NT5C3A: variants seen among roughly 807,000 people sequenced by gnomAD.
The protein encoded by NT5C3A is 5'-nucleotidase, cytosolic IIIA, also known as cytosolic 5'-nucleotidase 3A.
A neutral mutation model predicts 40.0 loss-of-function variants in NT5C3A; 23 were observed. The ratio of observed to expected loss-of-function variants is 0.58; its 90% CI spans 0.41 to 0.81. The LOEUF is 0.81. NT5C3A is among the 40% of genes least tolerant of loss of function. NT5C3A has a pLI of 0.00. For synonymous variants in NT5C3A, 130 were observed against 141.4 expected (o/e 0.92, Z 0.57); for missense variants, 328 against 403.0 (o/e 0.81, Z 1.59).
chr7:33,058,721 C>A (rs1787665155), intron 1 of NT5C3A, among the ~76,000 whole-genome samples: 1 of 152,218 alleles, frequency 6.6e-6, no homozygotes, highest in Non-Finnish European at 1.5e-5. Flanking sequence ...GTCCACATCT[C>A]CCCTAGAACT....
chr7:33,040,949 C>G lies in NT5C3A; in HGVS notation c.139-14034G>C, dbSNP rs1562599237. 5 of 985,266 alleles carry G rather than the reference C, an allele frequency of 5.1e-6. No individual in the cohort carries two copies. The East Asian group carries it at 5.7e-4, about 112-fold the overall frequency. The allele number at this position is 985,266 out of a possible 1,614,324, so 61.0% of individuals were successfully genotyped here. A position where few individuals can be genotyped will look rare whatever the true frequency, so the allele number is the denominator to read the frequency against. On this transcript the variant is annotated intron_variant, in intron 1 of 8. Coordinates refer to ENST00000610140, the MANE Select transcript of NT5C3A (RefSeq NM_001002010.5). Reference sequence around the variant, plus strand: ...AGAAGTACTAATATAGCACAAGGTGCAACTGAGGGCGGTTCCAAAAGCCTT... The same window carrying G: ...AGAAGTACTAATATAGCACAAGGTGGAACTGAGGGCGGTTCCAAAAGCCTT...
At chr7:33,059,443 T>C (rs1487305937) in intron 1 of NT5C3A, among the ~76,000 whole-genome samples, 1 of 152,210 alleles carries the variant, frequency 6.6e-6, no homozygotes, top group Non-Finnish European at 1.5e-5. Flanking sequence ...ATTTTTTCCT[T>C]CTCTTCATCT....
chr7:33,039,644 C>T (rs574121853), intron 1 of NT5C3A, among the ~76,000 whole-genome samples: 1 of 132,500 alleles, frequency 7.5e-6, no homozygotes, highest in Non-Finnish European at 1.5e-5. Flanking sequence ...TTCTGTATGG[C>T]TGTAATAATT....
At chr7:33,050,363 C>T (rs1787318939) in intron 1 of NT5C3A, among the ~76,000 whole-genome samples, 1 of 152,192 alleles carries the variant, frequency 6.6e-6, no homozygotes, top group Admixed American at 6.6e-5. Context: ...TATTTTGCAA[C>T]ATTTTGCTAT....
At chr7:33,047,983 CTTT>C (rs1176807703) in intron 1 of NT5C3A, among the ~76,000 whole-genome samples, 1 of 126,218 alleles carries the variant, frequency 7.9e-6, no homozygotes, top group Non-Finnish European at 1.6e-5. Context: ...CCACACCTGG[CTTT>C]TATATGTGTA....
chr7:33,046,916 G>A (rs1787180395), intron 1 of NT5C3A, among the ~76,000 whole-genome samples: 1 of 149,696 alleles, frequency 6.7e-6, no homozygotes, highest in Non-Finnish European at 1.5e-5. Context: ...CAATTCTACT[G>A]CCTTAGCCTC....
chr7:33,037,434 A>T (rs541899907), intron 1 of NT5C3A, among the ~76,000 whole-genome samples: 2 of 152,322 alleles, frequency 1.3e-5, no homozygotes, highest in East Asian at 1.9e-4. Flanking sequence ...AGCACTATTT[A>T]AAAATGGCAA....
At chr7:33,026,156 G>C (rs1303310996) in intron 2 of NT5C3A, among the ~76,000 whole-genome samples, 4 of 151,900 alleles carry the variant, frequency 2.6e-5, no homozygotes, top group African/African-American at 2.4e-5. Context: ...CTGCACTCCA[G>C]CCTGAGCAAC....
chr7:33,049,107 A>AT (rs1787265896), intron 1 of NT5C3A, among the ~76,000 whole-genome samples: 1 of 152,250 alleles, frequency 6.6e-6, no homozygotes, highest in Non-Finnish European at 1.5e-5. Context: ...TTAGAATAGT[A>AT]TACTGTTAGA....
At chr7:33,056,472 CCAAAAAAAA>C (rs1787573314) in intron 1 of NT5C3A, among the ~76,000 whole-genome samples, 4 of 53,776 alleles carry the variant, frequency 7.4e-5, no homozygotes, top group African/African-American at 2.6e-4. Context: ...CCCGTCTCTA[CCAAAAAAAA>C]AAAAAAAAAA....
Position 33,014,611 on chromosome 7 carries a change from T to C in NT5C3A, c.*119A>G, listed in dbSNP as rs774378441. Reference sequence around the variant, plus strand: ...TTCACCATATCTGAAAATACTTCAGTTATACAAAGGGAACACTTCGAGAGT... The same window carrying C: ...TTCACCATATCTGAAAATACTTCAGCTATACAAAGGGAACACTTCGAGAGT... On this transcript the variant is annotated 3_prime_UTR_variant, in exon 9 of 9. Transcript: ENST00000610140. The C allele has an allele frequency of 1.4e-6, 2 of 1,437,920 alleles. No homozygotes were observed. Among genetic ancestry groups the C allele is most frequent in the Non-Finnish European group, 1.9e-6 (2 of 1,055,164 alleles). The allele number at this position is 1,437,920 out of a possible 1,614,324, so 89.1% of individuals were successfully genotyped here.
At chr7:33,016,093 AGGCCG>A (rs966354951) in intron 7 of NT5C3A, among the ~76,000 whole-genome samples, 1 of 152,152 alleles carries the variant, frequency 6.6e-6, no homozygotes, top group East Asian at 1.9e-4. Context: ...GGTAAAACAA[AGGCCG>A]GGCGCAGGGG....
chr7:33,056,893 C>T (rs1424489582), intron 1 of NT5C3A, among the ~76,000 whole-genome samples: 1 of 152,108 alleles, frequency 6.6e-6, no homozygotes, highest in African/African-American at 2.4e-5. Flanking sequence ...TTCACTGCAA[C>T]CTCCGCCTCC....
intron 1 of NT5C3A, among the ~76,000 whole-genome samples, chr7:33,054,964 T>C (rs1031892523): frequency 6.6e-6 from 1 of 152,190 alleles, no homozygotes; most frequent in African/African-American, 2.4e-5. Flanking sequence ...GGTGGCTATG[T>C]GTTGAGAGCT....
intron 1 of NT5C3A, among the ~76,000 whole-genome samples, chr7:33,047,866 G>T (rs1274671279): frequency 6.6e-6 from 1 of 152,120 alleles, no homozygotes; most frequent in Non-Finnish European, 1.5e-5. Flanking sequence ...CTATCACCCA[G>T]ACTGGAGTGC....
chr7:33,050,893 T>C (rs1440645454), intron 1 of NT5C3A, among the ~76,000 whole-genome samples: 2 of 152,192 alleles, frequency 1.3e-5, no homozygotes, highest in African/African-American at 4.8e-5. Context: ...AATAGCAGTG[T>C]GTCACAATGG....
chr7:33,055,568 T>C (rs1182267434), intron 1 of NT5C3A, among the ~76,000 whole-genome samples: 1 of 152,190 alleles, frequency 6.6e-6, no homozygotes, highest in African/African-American at 2.4e-5. Context: ...AGGTATTTTC[T>C]TCCCTGATTC....
rs146874705 is a variant in NT5C3A at position 33,037,693 on chromosome 7, G to A, written c.139-10778C>T. On this transcript the variant is annotated intron_variant, in intron 1 of 8. Coordinates refer to ENST00000610140, the MANE Select transcript of NT5C3A (RefSeq NM_001002010.5). ...ATAATTGACGGCATCTTAGAATTGA[G>A]TAAACACGATTTCCAAACAGTAAGA... Among the ~76,000 whole-genome samples, 11 of 152,204 alleles carry A rather than the reference G, an allele frequency of 7.2e-5. No homozygotes were observed. In the East Asian group the frequency reaches 1.9e-3, roughly 27 times the overall value.
intron 1 of NT5C3A, chr7:33,035,912 C>T: frequency 6.3e-7 from 1 of 1,595,324 alleles, no homozygotes; most frequent in Non-Finnish European, 8.6e-7. Context: ...ATAAATGGAA[C>T]TGGAAATAGG....
Sources: allele counts gnomAD v4.1 joint callset (sites outside exome capture counted in the v4.1 genomes callset), GRCh38; gene constraint gnomAD v4.1.1; transcripts MANE v1.5; gene names NCBI Gene and HGNC (gene_info 2026-07-23, HGNC 2026-07-21).